The following ARMH4 variants were observed in gnomAD, a reference collection of about 807,000 sequenced individuals.
ARMH4 encodes armadillo-like helical domain-containing protein 4.
Under a neutral mutation model 61.9 loss-of-function variants are expected in ARMH4, and 49 were observed. The observed-to-expected ratio is 0.79, with a 90% CI of 0.63 to 1.00. The LOEUF (loss-of-function observed/expected upper bound fraction) is 1.00. ARMH4 is among the 50% of genes least tolerant of loss of function. The pLI is 0.00. For missense variants in ARMH4, 934 were observed against 930.0 expected (o/e 1.00, Z -0.06); for synonymous variants, 368 against 341.5 (o/e 1.08, Z -0.85).
chr14:58,099,843 C>A (rs927523490), intron 4 of ARMH4, among the ~76,000 whole-genome samples: 1 of 152,182 alleles, frequency 6.6e-6, no homozygotes, highest in African/African-American at 2.4e-5. Flanking sequence ...TGAAGCCACA[C>A]AAATTTATTA....
intron 5 of ARMH4, among the ~76,000 whole-genome samples, chr14:58,096,501 A>T (rs1310011925): frequency 6.6e-6 from 1 of 152,170 alleles, no homozygotes; most frequent in Non-Finnish European, 1.5e-5. Flanking sequence ...GCATAAATAT[A>T]AACTCATCGA....
intron 5 of ARMH4, among the ~76,000 whole-genome samples, chr14:58,059,993 GA>G (rs1286719821): frequency 6.6e-6 from 1 of 152,094 alleles, no homozygotes; most frequent in Non-Finnish European, 1.5e-5. Context: ...TCAATACGTA[GA>G]AAATAAAGTG....
At chr14:58,026,371 C>A (rs982819480) in intron 5 of ARMH4, among the ~76,000 whole-genome samples, 5 of 152,066 alleles carry the variant, frequency 3.3e-5, no homozygotes, top group Admixed American at 6.6e-5. Context: ...ACCTAAGCAA[C>A]CTTGAAGTTT....
At chr14:58,132,094 C>T (rs1220876268) in intron 3 of ARMH4, among the ~76,000 whole-genome samples, 1 of 152,040 alleles carries the variant, frequency 6.6e-6, no homozygotes, top group African/African-American at 2.4e-5. Context: ...TTGGAAAGAT[C>T]GAGTGTCTTT....
At chr14:58,146,007 A>C (rs1285094779) in intron 1 of ARMH4, among the ~76,000 whole-genome samples, 1 of 152,252 alleles carries the variant, frequency 6.6e-6, no homozygotes, top group South Asian at 2.1e-4. Context: ...TGGGAGTTAC[A>C]TGATGCTCAA....
At chr14:58,038,294 T>C in intron 5 of ARMH4, among the ~76,000 whole-genome samples, 1 of 91,694 alleles carries the variant, frequency 1.1e-5, no homozygotes, top group Non-Finnish European at 2.3e-5. Context: ...CAGTAAACTA[T>C]CGCAAGAACA....
At chr14:58,036,053 G>A (rs1316639678) in intron 5 of ARMH4, among the ~76,000 whole-genome samples, 1 of 124,904 alleles carries the variant, frequency 8.0e-6, no homozygotes, top group African/African-American at 3.0e-5. Flanking sequence ...CATTTTATGA[G>A]GCCAGCATCA....
chr14:58,060,824 G>T (rs1221401707), intron 5 of ARMH4, among the ~76,000 whole-genome samples: 3 of 152,142 alleles, frequency 2.0e-5, no homozygotes, highest in East Asian at 3.9e-4. Context: ...TGCACAAAGG[G>T]AAGAAGTTTT....
chr14:58,108,673 T>A (rs911018149), intron 4 of ARMH4, among the ~76,000 whole-genome samples: 5 of 152,238 alleles, frequency 3.3e-5, no homozygotes, highest in African/African-American at 1.2e-4. Context: ...TGCTAATTTT[T>A]TTTTGCTGTT....
rs1887176594 is a variant in ARMH4, at chr14:58,133,121, AG to A, written c.1589del (p.Pro530LeufsTer32). 6.2e-7 allele frequency: 1 copy of A among 1,614,202 alleles called. No individual in the cohort carries two copies. Among genetic ancestry groups the A allele is most frequent in the South Asian group, 1.1e-5 (1 of 91,090 alleles). On this transcript the variant is annotated frameshift_variant, in exon 3 of 8. Coordinates refer to ENST00000267485, the MANE Select transcript of ARMH4 (RefSeq NM_001001872.4). LOFTEE classifies it high-confidence loss of function. Reference sequence around the variant, plus strand: ...CAGTGGGAGTAACTTCAAAAGACAAAGGGACGACTGTAGTTGAAATTGTAGT... The same window carrying A: ...CAGTGGGAGTAACTTCAAAAGACAAAGGACGACTGTAGTTGAAATTGTAGT... ...LATTISTTVV[P>X]LSFEVTPTVE...
intron 4 of ARMH4, among the ~76,000 whole-genome samples, chr14:58,108,898 C>T (rs1295527124): frequency 6.6e-6 from 1 of 152,184 alleles, no homozygotes; most frequent in East Asian, 1.9e-4. Context: ...AAAATGATGT[C>T]ACTCCAGATG....
intron 5 of ARMH4, among the ~76,000 whole-genome samples, chr14:58,040,716 T>C (rs1343518001): frequency 1.3e-5 from 2 of 152,180 alleles, no homozygotes; most frequent in East Asian, 1.9e-4. Flanking sequence ...GCACCCTAAA[T>C]TGAAACCTGG....
chr14:58,138,376 G>T lies in ARMH4; in HGVS notation c.983C>A (p.Pro328His). The change falls in exon 2 of 8, where the codon CCC becomes CAC. Residue 328 changes from proline (P) to histidine (H), a missense_variant. Transcript: ENST00000267485. ...AGTCTCTTCATTGTCTCCAAGCTTG[G>T]GGGTCCTTATCCGGCTTACACTCTC... Reference protein sequence around the residue: ...KLESVSRIRTPKLGDNEETQV... With the variant: ...KLESVSRIRTHKLGDNEETQV... The T allele has an allele frequency of 1.2e-6, 2 of 1,614,106 alleles. No homozygotes were observed. The highest frequency in any genetic ancestry group is 1.7e-6 in the Non-Finnish European group (2 of 1,180,004).
At chr14:58,038,435 GA>G (rs1462957517) in intron 5 of ARMH4, among the ~76,000 whole-genome samples, 1 of 132,108 alleles carries the variant, frequency 7.6e-6, no homozygotes, top group Non-Finnish European at 1.6e-5. Context: ...ATAGCACTGG[GA>G]GATATACCTA....
intron 5 of ARMH4, among the ~76,000 whole-genome samples, chr14:58,085,895 C>G (rs1202878055): frequency 6.6e-6 from 1 of 152,118 alleles, no homozygotes; most frequent in Admixed American, 6.6e-5. Flanking sequence ...TATTTTCAAA[C>G]CAGGAACCTA....
At chr14:58,022,326 C>A (rs543238975) in intron 5 of ARMH4, among the ~76,000 whole-genome samples, 4 of 152,108 alleles carry the variant, frequency 2.6e-5, no homozygotes, top group African/African-American at 9.7e-5. Flanking sequence ...TCAGAAAGAC[C>A]GTTGTGATAA....
At chr14:58,091,981 G>C (rs148866970) in intron 5 of ARMH4, among the ~76,000 whole-genome samples, 1 of 152,212 alleles carries the variant, frequency 6.6e-6, no homozygotes, top group African/African-American at 2.4e-5. Flanking sequence ...ATATGTAACA[G>C]TGCAGAAAAC....
At chr14:58,146,713 G>A (rs1887739237) in intron 1 of ARMH4, among the ~76,000 whole-genome samples, 1 of 152,150 alleles carries the variant, frequency 6.6e-6, no homozygotes, top group Admixed American at 6.5e-5. Context: ...TACCAGCCTT[G>A]GCCATCTGGT....
chr14:58,031,822 C>A (rs935812654), intron 5 of ARMH4, among the ~76,000 whole-genome samples: 1 of 152,172 alleles, frequency 6.6e-6, no homozygotes, highest in Non-Finnish European at 1.5e-5. Context: ...CATATACTTC[C>A]AAGCCACGCC....
Sources: allele counts gnomAD v4.1 joint callset (sites outside exome capture counted in the v4.1 genomes callset), GRCh38; gene constraint gnomAD v4.1.1; transcripts MANE v1.5; gene names NCBI Gene and HGNC (gene_info 2026-07-23, HGNC 2026-07-21).